The following TOR1AIP2 variants were observed in gnomAD, a reference collection of about 807,000 sequenced individuals.
TOR1AIP2 encodes the protein torsin 1A interacting protein 2.
Under a neutral mutation model 32.6 loss-of-function variants are expected in TOR1AIP2, and 20 were observed. That is an observed-to-expected ratio of 0.61 (90% confidence interval 0.43 to 0.89). TOR1AIP2 has a LOEUF of 0.89. Among genes scored for constraint, TOR1AIP2 ranks in the 40% least tolerant of loss-of-function variants. The pLI, the probability that TOR1AIP2 is intolerant of heterozygous loss-of-function variation, is 0.00. For missense variants in TOR1AIP2, 456 were observed against 553.8 expected, an observed-to-expected ratio of 0.82 and a Z score of 1.77; for synonymous variants, 214 against 210.8, an observed-to-expected ratio of 1.02 and a Z score of -0.13.
At chr1:179,868,292 T>C (rs1345474211) in intron 2 of TOR1AIP2, 1 of 152,212 alleles carries the variant, frequency 6.6e-6, no homozygotes, top group African/African-American at 2.4e-5. Flanking sequence ...GGTACCATTT[T>C]GCTATATTAT....
intron 3 of TOR1AIP2, chr1:179,864,358 G>C (rs989074121): frequency 2.0e-6 from 2 of 988,558 alleles, no homozygotes; most frequent in African/African-American, 3.5e-5. Context: ...AAATTCACTG[G>C]ACTAATCTAG....
chr1:179,859,074 A>G, intron 3 of TOR1AIP2: 1 of 983,710 alleles, frequency 1.0e-6, no homozygotes, highest in Non-Finnish European at 1.2e-6. Flanking sequence ...ATTTTATTTT[A>G]GTGAATGATG....
intron 4 of TOR1AIP2, 116 bp from the exon 5 acceptor site, chr1:179,851,479 C>T (rs1303322314): frequency 2.6e-6 from 2 of 776,064 alleles, no homozygotes; most frequent in Admixed American, 3.7e-5. Context: ...TTACAAGACA[C>T]TTCCTAAACA....
chr1:179,861,858 TTTATG>T (rs1487765355), intron 3 of TOR1AIP2: 15 of 953,796 alleles, frequency 1.6e-5, no homozygotes, highest in Non-Finnish European at 1.6e-5. Context: ...ATTTATATCT[TTTATG>T]TTGTTTTTTT....
chr1:179,865,385 A>T, intron 3 of TOR1AIP2, 51 bp downstream of exon 3: 5 of 601,992 alleles, frequency 8.3e-6, no homozygotes, highest in Non-Finnish European at 1.4e-5. Flanking sequence ...ATTGCAACTC[A>T]GTCTCTGAAC....
Position 179,843,312 on chromosome 1 carries a change from C to G in TOR1AIP2, c.*2759G>C, listed in dbSNP as rs1695784802. The G allele has an allele frequency of 6.6e-6, 1 of 151,644 alleles. No individual in the cohort carries two copies. Among genetic ancestry groups the G allele is most frequent in the African/African-American group, 2.4e-5 (1 of 41,276 alleles). The allele number at this position is 151,644 out of a possible 1,614,324, so 9.4% of individuals were successfully genotyped here. A position where few individuals can be genotyped will look rare whatever the true frequency, so the allele number is the denominator to read the frequency against. On this transcript the variant is annotated 3_prime_UTR_variant, in exon 7 of 7. Coordinates refer to ENST00000609928, the MANE Select transcript of TOR1AIP2 (RefSeq NM_001199260.2). ...ATTGAGGCCAGGAGTTCGAGACCAA[C>G]CTGGACAACATAGCAAAACCTCGTC...
rs1159900733 is a variant in TOR1AIP2, at chr1:179,844,954, T to G, written c.*1117A>C. The stretch of plus-strand genomic sequence containing the variant: ...ACTCTTACCCTAGACAAGTATAAAA[T>G]TCCATGCAGAGGGGACAGAAATGAC... On this transcript the variant is annotated 3_prime_UTR_variant, in exon 7 of 7. Coordinates refer to ENST00000609928, the MANE Select transcript of TOR1AIP2 (RefSeq NM_001199260.2). 1 of 152,182 alleles carries G rather than the reference T, an allele frequency of 6.6e-6. No homozygotes were observed. Among genetic ancestry groups the G allele is most frequent in the Non-Finnish European group, 1.5e-5 (1 of 68,016 alleles). The allele number at this position is 152,182 out of a possible 1,614,324, so 9.4% of individuals were successfully genotyped here.
intron 3 of TOR1AIP2, among the ~76,000 whole-genome samples, chr1:179,856,419 T>C (rs996858324): frequency 1.3e-5 from 2 of 152,164 alleles, no homozygotes; most frequent in African/African-American, 4.8e-5. Context: ...ACACCTTTCC[T>C]GTCACAAAGC....
Position 179,843,401 on chromosome 1 carries a change from G to C in TOR1AIP2, c.*2670C>G, listed in dbSNP as rs1303438124. On this transcript the variant is annotated 3_prime_UTR_variant, in exon 7 of 7. Coordinates refer to ENST00000609928, the MANE Select transcript of TOR1AIP2 (RefSeq NM_001199260.2). ...CATGCCTGTAATCCCAGCTACTTGG[G>C]AGGCTGAGGCACAAGAATCACTTGA... 6.6e-6 allele frequency: 1 copy of C among 151,562 alleles called. No homozygotes were observed. The highest frequency in any genetic ancestry group is 1.5e-5 in the Non-Finnish European group (1 of 68,042). The allele number at this position is 151,562 out of a possible 1,614,324, so 9.4% of individuals were successfully genotyped here. A position where few individuals can be genotyped will look rare whatever the true frequency, so the allele number is the denominator to read the frequency against.
intron 2 of TOR1AIP2, among the ~76,000 whole-genome samples, chr1:179,872,379 C>T (rs1697043527): frequency 3.3e-5 from 5 of 152,220 alleles, no homozygotes; most frequent in Non-Finnish European, 7.3e-5. Flanking sequence ...TTAGGTATTT[C>T]TATAACTTGT....
Position 179,847,651 on chromosome 1 carries a change from A to G in TOR1AIP2, c.554-15T>C. 6.5e-7 allele frequency: 1 copy of G among 1,530,642 alleles called. No homozygotes were observed. Among genetic ancestry groups the G allele is most frequent in the Non-Finnish European group, 9.1e-7 (1 of 1,104,126 alleles). The allele number at this position is 1,530,642 out of a possible 1,614,324, so 94.8% of individuals were successfully genotyped here. ...ACTTCCAGCCTCTGGAGAGGAAAAG[A>G]ATCAATATTATTTTTAGGCAGTACA... is the stretch of plus-strand genomic sequence containing the variant. On this transcript the variant is annotated splice_polypyrimidine_tract_variant and intron_variant, in intron 5 of 6. Transcript: ENST00000609928.
intron 3 of TOR1AIP2, chr1:179,860,658 T>A (rs1421359664): frequency 1.0e-6 from 1 of 983,884 alleles, no homozygotes; most frequent in Non-Finnish European, 1.2e-6. Context: ...TTACACAACC[T>A]TTTTCACAGA....
intron 3 of TOR1AIP2, chr1:179,861,139 T>C (rs1286275006): frequency 1.0e-6 from 1 of 985,336 alleles, no homozygotes; most frequent in African/African-American, 1.7e-5. Flanking sequence ...TACCATAACA[T>C]ATAAGCAATA....
chr1:179,860,528 C>G, intron 3 of TOR1AIP2: 2 of 985,470 alleles, frequency 2.0e-6, no homozygotes, highest in Non-Finnish European at 2.4e-6. Context: ...TTCCCCAGTT[C>G]TAACTTCTGC....
At chr1:179,856,015 CA>C (rs113000568) in intron 3 of TOR1AIP2, among the ~76,000 whole-genome samples, 7 of 146,782 alleles carry the variant, frequency 4.8e-5, no homozygotes, top group East Asian at 2.0e-4. Flanking sequence ...CTCATCTCTA[CA>C]AAAAAAAAAT....
rs11268010 is a variant in TOR1AIP2, at chr1:179,840,889, T to TATAATAATAATAATAATAATAATAATA, written c.*5155_*5181dup. 2.6e-3 allele frequency: 381 copies of TATAATAATAATAATAATAATAATAATA among 146,774 alleles called. 1 individual carries two copies. Among genetic ancestry groups the TATAATAATAATAATAATAATAATAATA allele is most frequent in the African/African-American group, 4.6e-3 (179 of 38,884 alleles). The allele number at this position is 146,774 out of a possible 1,614,324, so 9.1% of individuals were successfully genotyped here. A position where few individuals can be genotyped will look rare whatever the true frequency, so the allele number is the denominator to read the frequency against. On this transcript the variant is annotated 3_prime_UTR_variant, in exon 7 of 7. Transcript: ENST00000609928. ...TCCACATGTATCCCAGAACTTAAAC[T>TATAATAATAATAATAATAATAATAATA]ATAATAATAATAATAATAATAATAA...
intron 2 of TOR1AIP2, among the ~76,000 whole-genome samples, chr1:179,872,820 GC>G (rs1164912930): frequency 6.6e-6 from 1 of 152,180 alleles, no homozygotes; most frequent in African/African-American, 2.4e-5. Context: ...ACAACTGACT[GC>G]CAGGTTTAGT....
intron 2 of TOR1AIP2, among the ~76,000 whole-genome samples, chr1:179,866,163 C>T (rs532783539): frequency 7.2e-4 from 110 of 151,974 alleles, no homozygotes; most frequent in Non-Finnish European, 1.3e-3. Context: ...ATCTCTTGTA[C>T]GTCTCTTCTG....
At chr1:179,846,905 G>A in intron 6 of TOR1AIP2, 77 bp from the exon 7 acceptor site, 2 of 1,465,286 alleles carry the variant, frequency 1.4e-6, no homozygotes, top group South Asian at 1.4e-5. Flanking sequence ...AAACTGAAAT[G>A]AGGCAGAGAT....
Sources: gnomAD v4.1 joint callset for allele counts (sites outside exome capture counted in the v4.1 genomes callset) on GRCh38, gnomAD v4.1.1 for gene constraint, MANE v1.5 for transcripts, NCBI Gene and HGNC (gene_info 2026-07-23, HGNC 2026-07-21) for gene names.